Variants in MAML3 observed in about 807,000 individuals in gnomAD.
MAML3 encodes the protein mastermind-like protein 3.
Under a neutral mutation model 101.9 loss-of-function variants are expected in MAML3, and 27 were observed. That is an observed-to-expected ratio of 0.27 (90% CI 0.20 to 0.37). The LOEUF (loss-of-function observed/expected upper bound fraction) is 0.37, where lower values mean the gene tolerates loss of function less well. MAML3 is among the 10% of genes least tolerant of loss of function. MAML3 has a pLI of 1.00. For missense variants in MAML3, 1,316 were observed against 1,444.9 expected (o/e 0.91, Z 1.45); for synonymous variants, 501 against 555.9 (o/e 0.90, Z 1.39).
intron 1 of MAML3, among the ~76,000 whole-genome samples, chr4:140,017,009 C>T (rs1000799667): frequency 2.0e-4 from 30 of 151,998 alleles, no homozygotes; most frequent in Non-Finnish European, 3.7e-4. Flanking sequence ...CTTAAGAGAA[C>T]GAAAGAACAA....
intron 1 of MAML3, among the ~76,000 whole-genome samples, chr4:139,924,412 T>A (rs1288054469): frequency 6.6e-6 from 1 of 152,218 alleles, no homozygotes; most frequent in Non-Finnish European, 1.5e-5. Context: ...CTCTGAAATC[T>A]TTACCTTTCA....
chr4:139,894,843 C>T (rs1201791040), intron 1 of MAML3, among the ~76,000 whole-genome samples: 1 of 152,166 alleles, frequency 6.6e-6, no homozygotes, highest in Non-Finnish European at 1.5e-5. Flanking sequence ...GATACTTGAA[C>T]ATAGCTCCAA....
At chr4:139,879,082 A>C (rs17050968) in intron 2 of MAML3, among the ~76,000 whole-genome samples, 7,330 of 152,310 alleles carry the variant, frequency 0.048, 590 homozygotes, top group African/African-American at 0.17. Flanking sequence ...TCAACAGGAC[A>C]ATAACTGCCA....
chr4:140,077,396 C>T (rs1232429289), intron 1 of MAML3, among the ~76,000 whole-genome samples: 1 of 152,188 alleles, frequency 6.6e-6, no homozygotes, highest in African/African-American at 2.4e-5. Context: ...AGCCCCGCAT[C>T]AAAGGCAGCC....
chr4:139,723,955 A>G (rs1380010580), intron 4 of MAML3, among the ~76,000 whole-genome samples: 1 of 152,214 alleles, frequency 6.6e-6, no homozygotes. Flanking sequence ...CTTTCAGTGC[A>G]GGCTAAAGTT....
chr4:140,025,389 C>A (rs569616426), intron 1 of MAML3, among the ~76,000 whole-genome samples: 1 of 152,188 alleles, frequency 6.6e-6, no homozygotes, highest in South Asian at 2.1e-4. Context: ...CTCAGTGTAT[C>A]TGAGTAATGG....
At chr4:139,731,722 A>T (rs913222996) in intron 2 of MAML3, among the ~76,000 whole-genome samples, 1 of 152,202 alleles carries the variant, frequency 6.6e-6, no homozygotes, top group Non-Finnish European at 1.5e-5. Flanking sequence ...AATGATGGCA[A>T]CTTTTAAGGA....
At position 139,789,073 on chromosome 4, in the gene MAML3, G is replaced by T. The variant is rs182877593; in HGVS notation, c.2080-58406C>A. ...ATATAACCAAGGCCTTTTAATGCTA[G>T]AGTAGCCTTAGAGATCATCAAATAC... On this transcript the variant is annotated intron_variant, in intron 2 of 4. Transcript: ENST00000509479. Among the ~76,000 whole-genome samples the T allele has an allele frequency of 4.3e-4, 66 of 152,324 alleles. 1 individual carries two copies. Among genetic ancestry groups the T allele is most frequent in the East Asian group, 2.3e-3 (12 of 5,188 alleles).
At chr4:139,888,958 G>C (rs1317292291) in intron 2 of MAML3, among the ~76,000 whole-genome samples, 1 of 152,124 alleles carries the variant, frequency 6.6e-6, no homozygotes, top group Non-Finnish European at 1.5e-5. Flanking sequence ...AACTGTTGTA[G>C]ACAGCCCTGA....
intron 2 of MAML3, among the ~76,000 whole-genome samples, chr4:139,853,792 G>A (rs1477567978): frequency 6.6e-6 from 1 of 152,046 alleles, no homozygotes; most frequent in African/African-American, 2.4e-5. Context: ...GCTATGAGCA[G>A]CTATGAGACC....
intron 1 of MAML3, among the ~76,000 whole-genome samples, chr4:140,036,832 C>T (rs1726993509): frequency 6.6e-6 from 1 of 152,164 alleles, no homozygotes; most frequent in Non-Finnish European, 1.5e-5. Context: ...TAGAGCCAAT[C>T]TTTAGAATCC....
intron 2 of MAML3, among the ~76,000 whole-genome samples, chr4:139,751,423 T>C (rs900216265): frequency 6.6e-6 from 1 of 152,172 alleles, no homozygotes; most frequent in Non-Finnish European, 1.5e-5. Context: ...GTTATACACA[T>C]AGTGTGAAGG....
chr4:139,886,282 T>A (rs1226493612), intron 2 of MAML3, among the ~76,000 whole-genome samples: 1 of 152,024 alleles, frequency 6.6e-6, no homozygotes, highest in Non-Finnish European at 1.5e-5. Context: ...AGAATTTTTT[T>A]AAAAAAAGAA....
chr4:139,892,290 C>T (rs761645670), intron 1 of MAML3, among the ~76,000 whole-genome samples: 6 of 152,226 alleles, frequency 3.9e-5, no homozygotes, highest in Non-Finnish European at 7.3e-5. Flanking sequence ...AGATCCTCAT[C>T]ACTGTTCCCC....
At chr4:140,022,536 G>A (rs891447926) in intron 1 of MAML3, among the ~76,000 whole-genome samples, 7 of 152,114 alleles carry the variant, frequency 4.6e-5, no homozygotes, top group African/African-American at 1.7e-4. Context: ...AGCTAATCTG[G>A]CAGCCAAAAG....
At chr4:139,892,844 T>C (rs1365930346) in intron 1 of MAML3, among the ~76,000 whole-genome samples, 1 of 145,236 alleles carries the variant, frequency 6.9e-6, no homozygotes, top group Admixed American at 7.2e-5. Context: ...GGCAGGAGAA[T>C]GGCATGAACC....
chr4:139,974,760 GATAA>G (rs1734299014), intron 1 of MAML3, among the ~76,000 whole-genome samples: 1 of 152,050 alleles, frequency 6.6e-6, no homozygotes, highest in Non-Finnish European at 1.5e-5. Context: ...TGTATTTATT[GATAA>G]ATAATCAATA....
chr4:139,886,028 A>G (rs1392790164), intron 2 of MAML3, among the ~76,000 whole-genome samples: 1 of 151,546 alleles, frequency 6.6e-6, no homozygotes, highest in African/African-American at 2.4e-5. Flanking sequence ...AACATATCTC[A>G]GAGAAGATTC....
intron 1 of MAML3, among the ~76,000 whole-genome samples, chr4:140,077,795 G>A (rs1578673460): frequency 2.0e-5 from 3 of 152,140 alleles, no homozygotes; most frequent in Admixed American, 6.5e-5. Flanking sequence ...CGAGGTGGGC[G>A]GATCATGAGG....
Sources: allele counts gnomAD v4.1 joint callset (sites outside exome capture counted in the v4.1 genomes callset), GRCh38; gene constraint gnomAD v4.1.1; transcripts MANE v1.5; gene names NCBI Gene and HGNC (gene_info 2026-07-23, HGNC 2026-07-21).